The following AHCYL2 variants were observed in gnomAD, a reference collection of about 807,000 sequenced individuals.
AHCYL2 encodes adenosylhomocysteinase like 2.
In AHCYL2, 28 loss-of-function variants were observed where a neutral mutation model predicts 81.4. That is an observed-to-expected ratio of 0.34 (90% CI 0.25 to 0.47). The LOEUF (loss-of-function observed/expected upper bound fraction) is 0.47, where lower values mean the gene tolerates loss of function less well. Ranked by LOEUF, AHCYL2 falls within the 20% of genes least tolerant of loss-of-function variation. AHCYL2 has a pLI of 1.00. For synonymous variants in AHCYL2, 272 were observed against 290.2 expected (o/e 0.94, Z 0.64); for missense variants, 551 against 785.1 (o/e 0.70, Z 3.56).
At position 129,368,334 on chromosome 7, in the gene AHCYL2, G is replaced by C. The variant is rs1794203294; in HGVS notation, c.364-11304G>C. On this transcript the variant is annotated intron_variant, in intron 1 of 16. Transcript: ENST00000325006. The surrounding 1 kb of genome is among the most constrained non-coding windows in gnomAD (Gnocchi z 4.4). ...GGCAGTTGACTAATGCTCTTGATTT[G>C]AATCGGAGGCTGCTGTGAAAAGGGA... The C allele has an allele frequency of 6.9e-7, 1 of 1,456,226 alleles. No homozygotes were observed. The highest frequency in any genetic ancestry group is 2.7e-5 in the Admixed American group (1 of 36,744). The allele number at this position is 1,456,226 out of a possible 1,614,324, so 90.2% of individuals were successfully genotyped here.
chr7:129,359,465 T>C (rs1244709811), intron 1 of AHCYL2, among the ~76,000 whole-genome samples: 1 of 152,206 alleles, frequency 6.6e-6, no homozygotes. Context: ...AAGCTGTAGC[T>C]TTGTTATTTG....
chr7:129,397,440 T>C, intron 5 of AHCYL2, 116 bp downstream of exon 5: 1 of 996,384 alleles, frequency 1.0e-6, no homozygotes, highest in Non-Finnish European at 1.5e-6. Context: ...TTGGAAGAAA[T>C]GGATCTCGAT....
intron 1 of AHCYL2, among the ~76,000 whole-genome samples, chr7:129,355,021 G>A (rs937425826): frequency 6.6e-6 from 1 of 152,126 alleles, no homozygotes; most frequent in Non-Finnish European, 1.5e-5. Flanking sequence ...TGGGATCATA[G>A]ACATGCATAG....
intron 1 of AHCYL2, among the ~76,000 whole-genome samples, chr7:129,344,925 C>T (rs1300781707): frequency 5.3e-5 from 8 of 152,112 alleles, no homozygotes; most frequent in African/African-American, 1.9e-4. Flanking sequence ...GAGGCCGAGG[C>T]GGGTGGATCA....
chr7:129,236,588 G>A (rs1794652767), intron 1 of AHCYL2, among the ~76,000 whole-genome samples: 1 of 152,100 alleles, frequency 6.6e-6, no homozygotes, highest in Admixed American at 6.6e-5. Context: ...CGATCTGCCC[G>A]CCTCAGCCTC....
intron 1 of AHCYL2, among the ~76,000 whole-genome samples, chr7:129,312,000 T>G (rs1797673715): frequency 6.6e-6 from 1 of 152,220 alleles, no homozygotes; most frequent in African/African-American, 2.4e-5. Context: ...CTTCTTCTTT[T>G]GGAGACAACG....
At chr7:129,391,113 C>T (rs1433659123) in intron 4 of AHCYL2, among the ~76,000 whole-genome samples, 6 of 152,050 alleles carry the variant, frequency 3.9e-5, no homozygotes, top group Non-Finnish European at 5.9e-5. Context: ...TGTACTATTT[C>T]ACAGTATTAT....
At chr7:129,323,772 A>G (rs904436532) in intron 1 of AHCYL2, among the ~76,000 whole-genome samples, 3 of 152,108 alleles carry the variant, frequency 2.0e-5, no homozygotes, top group Middle Eastern at 3.4e-3. Context: ...TGTCCTCTTG[A>G]TGAATTGACT....
intron 1 of AHCYL2, among the ~76,000 whole-genome samples, chr7:129,247,736 G>A (rs1795110742): frequency 6.6e-6 from 1 of 151,984 alleles, no homozygotes; most frequent in South Asian, 2.1e-4. Flanking sequence ...TGAGTAGCTG[G>A]GAGTACAGGT....
chr7:129,399,602 T>C (rs1476391135), intron 5 of AHCYL2, among the ~76,000 whole-genome samples: 1 of 152,062 alleles, frequency 6.6e-6, no homozygotes, highest in East Asian at 1.9e-4. Flanking sequence ...TTCTTAATAA[T>C]AGGGTGGAAT....
At chr7:129,305,133 A>C (rs1368973768) in intron 1 of AHCYL2, among the ~76,000 whole-genome samples, 2 of 152,120 alleles carry the variant, frequency 1.3e-5, no homozygotes, top group Non-Finnish European at 2.9e-5. Flanking sequence ...GACAACACCG[A>C]TTGTATAAAC....
At chr7:129,267,668 A>T (rs1016447998) in intron 1 of AHCYL2, among the ~76,000 whole-genome samples, 3 of 152,164 alleles carry the variant, frequency 2.0e-5, no homozygotes, top group Non-Finnish European at 4.4e-5. Flanking sequence ...TGAGGCTAGT[A>T]TTGAAAGTGA....
At chr7:129,253,112 G>A (rs1795297281) in intron 1 of AHCYL2, among the ~76,000 whole-genome samples, 1 of 151,882 alleles carries the variant, frequency 6.6e-6, no homozygotes, top group Middle Eastern at 3.4e-3. Context: ...GGAGGCTGAG[G>A]CAGAGAATTG....
intron 1 of AHCYL2, among the ~76,000 whole-genome samples, chr7:129,290,444 T>A (rs1796800503): frequency 6.9e-6 from 1 of 144,368 alleles, no homozygotes; most frequent in African/African-American, 2.6e-5. Context: ...GAGCTTGCAG[T>A]GAGCTGAGAT....
intron 1 of AHCYL2, among the ~76,000 whole-genome samples, chr7:129,249,231 C>G (rs1795165515): frequency 6.6e-6 from 1 of 152,076 alleles, no homozygotes; most frequent in African/African-American, 2.4e-5. Flanking sequence ...CTCCTAGACT[C>G]AAGCAACCCT....
At chr7:129,305,821 GTCTT>G (rs1300800628) in intron 1 of AHCYL2, among the ~76,000 whole-genome samples, 2 of 152,198 alleles carry the variant, frequency 1.3e-5, no homozygotes, top group Non-Finnish European at 2.9e-5. Context: ...GTCTGGGAAA[GTCTT>G]TATTTCTCCT....
chr7:129,225,391 G>A lies in AHCYL2; in HGVS notation c.315G>A (p.Leu105=). ...GGCACCGCGACGGCGGCGAGGCCCT[G>A]GTCAGCCCCGACGGCACCGTCACCG... is the stretch of plus-strand genomic sequence containing the variant. ...HQRHRDGGEA[L]VSPDGTVTEA... is the part of the protein sequence containing the mutation. Residue 105 remains leucine (L), a synonymous_variant, in exon 1 of 17, where the codon CTG becomes CTA. Coordinates refer to ENST00000325006, the MANE Select transcript of AHCYL2 (RefSeq NM_015328.4). 1 of 1,517,804 alleles carries A rather than the reference G, an allele frequency of 6.6e-7. No individual in the cohort carries two copies. 94.0% of individuals were successfully genotyped at this position (1,517,804 alleles called of 1,614,324 possible).
At chr7:129,342,174 A>G (rs1273142128) in intron 1 of AHCYL2, among the ~76,000 whole-genome samples, 1 of 152,210 alleles carries the variant, frequency 6.6e-6, no homozygotes, top group Non-Finnish European at 1.5e-5. Flanking sequence ...AAGGGACACC[A>G]GTGTTGAAGT....
intron 1 of AHCYL2, among the ~76,000 whole-genome samples, chr7:129,336,444 A>G (rs1466184222): frequency 1.3e-5 from 2 of 152,200 alleles, no homozygotes; most frequent in Admixed American, 6.5e-5. Context: ...TGATCACAGA[A>G]TAAGTGTTAC....
Sources: allele counts gnomAD v4.1 joint callset (sites outside exome capture counted in the v4.1 genomes callset), GRCh38; gene constraint gnomAD v4.1.1; non-coding constraint Gnocchi (gnomAD v3.1); transcripts MANE v1.5; gene names NCBI Gene and HGNC (gene_info 2026-07-23, HGNC 2026-07-21).